The following EFNA5 variants were observed in gnomAD, a reference collection of about 807,000 sequenced individuals.
The protein encoded by EFNA5 is ephrin-A5.
EFNA5 carries 5 observed loss-of-function variants against 22.9 expected under a neutral mutation model. That is an observed-to-expected ratio of 0.22 (90% confidence interval 0.11 to 0.46). The LOEUF is 0.46. Ranked by LOEUF, EFNA5 falls within the 20% of genes least tolerant of loss-of-function variation. The pLI is 0.99. For missense variants in EFNA5, 237 were observed against 293.3 expected, an observed-to-expected ratio of 0.81 and a Z score of 1.40; for synonymous variants, 113 against 112.2, an observed-to-expected ratio of 1.01 and a Z score of -0.04.
chr5:107,615,331 C>A (rs1216829856), intron 1 of EFNA5, among the ~76,000 whole-genome samples: 3 of 152,086 alleles, frequency 2.0e-5, no homozygotes, highest in Non-Finnish European at 4.4e-5. Flanking sequence ...CTCAATCATG[C>A]TCTGTGATGC....
chr5:107,530,133 C>G (rs1747778682), intron 1 of EFNA5, among the ~76,000 whole-genome samples: 1 of 152,144 alleles, frequency 6.6e-6, no homozygotes, highest in Admixed American at 6.6e-5. Context: ...TTTCAGTGGC[C>G]TAAAATAATA....
intron 2 of EFNA5, among the ~76,000 whole-genome samples, chr5:107,420,380 A>T (rs749636806): frequency 6.6e-6 from 1 of 152,082 alleles, no homozygotes; most frequent in Non-Finnish European, 1.5e-5. Flanking sequence ...ATCAGAAAAG[A>T]GTTGTGATTA....
At chr5:107,419,178 A>C (rs1561377842) in intron 2 of EFNA5, among the ~76,000 whole-genome samples, 1 of 152,336 alleles carries the variant, frequency 6.6e-6, no homozygotes, top group African/African-American at 2.4e-5. Context: ...AACTGTTTTC[A>C]TAAGAGGAAA....
chr5:107,622,782 G>A (rs1488814878), intron 1 of EFNA5, among the ~76,000 whole-genome samples: 2 of 151,992 alleles, frequency 1.3e-5, no homozygotes, highest in Non-Finnish European at 2.9e-5. Flanking sequence ...AGCACTTTAG[G>A]AGGCCGAGGC....
intron 1 of EFNA5, among the ~76,000 whole-genome samples, chr5:107,557,052 C>G (rs1748436370): frequency 6.6e-6 from 1 of 152,102 alleles, no homozygotes; most frequent in South Asian, 2.1e-4. Context: ...GCTGTTTGGG[C>G]CCAAACCTTA....
At chr5:107,406,185 G>C (rs1278316039) in intron 2 of EFNA5, among the ~76,000 whole-genome samples, 1 of 147,760 alleles carries the variant, frequency 6.8e-6, no homozygotes, top group Non-Finnish European at 1.5e-5. Flanking sequence ...TACATAGAAT[G>C]TATACAAATA....
intron 1 of EFNA5, among the ~76,000 whole-genome samples, chr5:107,489,664 C>G (rs956852270): frequency 1.4e-5 from 2 of 147,578 alleles, no homozygotes; most frequent in African/African-American, 5.0e-5. Context: ...CCACCTACCC[C>G]CCCCACCAAG....
chr5:107,393,308 G>T (rs992026354), intron 2 of EFNA5, among the ~76,000 whole-genome samples: 64 of 152,288 alleles, frequency 4.2e-4, no homozygotes, highest in African/African-American at 1.5e-3. Context: ...CAACTCAAAA[G>T]TTCCCTAATC....
chr5:107,651,192 C>T (rs1185541039), intron 1 of EFNA5, among the ~76,000 whole-genome samples: 2 of 152,118 alleles, frequency 1.3e-5, no homozygotes. Flanking sequence ...GCCAAGGGAC[C>T]TTTGGCTAGT....
chr5:107,619,798 A>G (rs1749999466), intron 1 of EFNA5, among the ~76,000 whole-genome samples: 1 of 152,102 alleles, frequency 6.6e-6, no homozygotes, highest in Admixed American at 6.6e-5. Flanking sequence ...CAGTAGCATC[A>G]CAATCCTTAG....
chr5:107,645,904 C>T (rs575187797), intron 1 of EFNA5, among the ~76,000 whole-genome samples: 1 of 152,338 alleles, frequency 6.6e-6, no homozygotes, highest in East Asian at 1.9e-4. Flanking sequence ...AAGCCGTCAC[C>T]TGTTTTGCCA....
chr5:107,564,411 T>C (rs573225645), intron 1 of EFNA5, among the ~76,000 whole-genome samples: 64 of 152,306 alleles, frequency 4.2e-4, no homozygotes, highest in Non-Finnish European at 7.3e-4. Context: ...CAGCATTTGG[T>C]ATGTGCTTGA....
rs1242969275 is a variant in EFNA5 at position 107,378,494 on chromosome 5, A to T, written c.*2761T>A. ...TGCATCAACATCCTCCTAAGCCCCC[A>T]GAGGATTGTAACACCACCACAAAAG... On this transcript the variant is annotated 3_prime_UTR_variant, in exon 5 of 5. Transcript: ENST00000333274. The T allele has an allele frequency of 1.3e-5, 2 of 152,170 alleles. No homozygotes were observed. Among genetic ancestry groups the T allele is most frequent in the African/African-American group, 4.8e-5 (2 of 41,434 alleles). 9.4% of individuals were successfully genotyped at this position (152,170 alleles called of 1,614,324 possible).
chr5:107,625,547 T>G (rs1750124924), intron 1 of EFNA5, among the ~76,000 whole-genome samples: 1 of 152,168 alleles, frequency 6.6e-6, no homozygotes, highest in Non-Finnish European at 1.5e-5. Context: ...AATTCCTTAT[T>G]AATTGGTGTT....
chr5:107,591,827 ATATATATATATATAT>A, intron 1 of EFNA5, among the ~76,000 whole-genome samples: 1 of 79,504 alleles, frequency 1.3e-5, no homozygotes, highest in African/African-American at 4.1e-5. Flanking sequence ...TCTCAAAAAA[ATATATATATATATAT>A]AAAATATATA....
At chr5:107,493,822 T>A (rs549163174) in intron 1 of EFNA5, among the ~76,000 whole-genome samples, 58 of 152,280 alleles carry the variant, frequency 3.8e-4, no homozygotes, top group African/African-American at 1.3e-3. Context: ...AGTCTATCAT[T>A]TAATATTCAC....
intron 1 of EFNA5, among the ~76,000 whole-genome samples, chr5:107,592,618 G>A (rs1749400341): frequency 1.3e-5 from 2 of 152,066 alleles, no homozygotes; most frequent in South Asian, 4.2e-4. Context: ...TGCAGGTTAG[G>A]GGAGCACCAG....
intron 1 of EFNA5, among the ~76,000 whole-genome samples, chr5:107,509,321 T>A (rs1378705074): frequency 6.6e-6 from 1 of 151,510 alleles, no homozygotes; most frequent in Non-Finnish European, 1.5e-5. Flanking sequence ...CTTTTCCTTT[T>A]TTTTTTTTGT....
At chr5:107,568,384 A>G (rs1390915143) in intron 1 of EFNA5, among the ~76,000 whole-genome samples, 1 of 152,226 alleles carries the variant, frequency 6.6e-6, no homozygotes, top group African/African-American at 2.4e-5. Flanking sequence ...GAGAATTGAG[A>G]GACAGTTAGA....
Sources: allele counts gnomAD v4.1 joint callset (sites outside exome capture counted in the v4.1 genomes callset), GRCh38; gene constraint gnomAD v4.1.1; transcripts MANE v1.5; gene names NCBI Gene and HGNC (gene_info 2026-07-23, HGNC 2026-07-21).